PXDN: variants seen among roughly 807,000 people sequenced by gnomAD.
PXDN encodes the protein peroxidasin.
In PXDN, 77 loss-of-function variants were observed where a neutral mutation model predicts 140.3. The ratio of observed to expected loss-of-function variants is 0.55; its 90% CI spans 0.46 to 0.66. The LOEUF (loss-of-function observed/expected upper bound fraction) is 0.66, where lower values mean the gene tolerates loss of function less well. PXDN is among the 30% of genes least tolerant of loss of function. PXDN has a pLI of 0.00. For synonymous variants in PXDN, 911 were observed against 857.4 expected (o/e 1.06, Z -1.09); for missense variants, 1,838 against 2,039.5 (o/e 0.90, Z 1.90).
rs1434443390 is a variant in PXDN, at chr2:1,632,376, T to G, written c.*1828A>C. 3.3e-5 allele frequency: 5 copies of G among 152,218 alleles called. No homozygotes were observed. The highest frequency in any genetic ancestry group is 7.3e-5 in the Non-Finnish European group (5 of 68,046). The allele number at this position is 152,218 out of a possible 1,614,324, so 9.4% of individuals were successfully genotyped here. A position where few individuals can be genotyped will look rare whatever the true frequency, so the allele number is the denominator to read the frequency against. On this transcript the variant is annotated 3_prime_UTR_variant, in exon 23 of 23. Transcript: ENST00000252804. The surrounding 1 kb of genome is among the most constrained non-coding windows in gnomAD (Gnocchi z 4.3). ...CTGAGCAACTTACATAACCATCAGC[T>G]TTTAGACGAACTTACACATTTCCTA... is the stretch of plus-strand genomic sequence containing the variant.
At chr2:1,652,303 C>A (rs1254536372) in intron 16 of PXDN, among the ~76,000 whole-genome samples, 1 of 152,078 alleles carries the variant, frequency 6.6e-6, no homozygotes, top group African/African-American at 2.4e-5. Context: ...CAAGAAATTA[C>A]ACTTAGTAAC....
At position 1,686,792 on chromosome 2, in the gene PXDN, C is replaced by T. The variant is rs919993229; in HGVS notation, c.416+840G>A. On this transcript the variant is annotated intron_variant, in intron 4 of 22. Coordinates refer to ENST00000252804, the MANE Select transcript of PXDN (RefSeq NM_012293.3). ...TCCCAGAGTGGTCTCCCCCCTGCACCGCTTGGCCTCAAACTCTCTGACAAC... is the reference window on the plus strand; with the variant it reads ...TCCCAGAGTGGTCTCCCCCCTGCACTGCTTGGCCTCAAACTCTCTGACAAC... Among the ~76,000 whole-genome samples the T allele has an allele frequency of 5.3e-5, 8 of 152,208 alleles. No homozygotes were observed. The South Asian group carries it at 6.2e-4, about 12-fold the overall frequency.
intron 14 of PXDN, among the ~76,000 whole-genome samples, chr2:1,658,249 A>AC (rs201143750): frequency 0.053 from 8,056 of 151,830 alleles, 757 homozygotes; most frequent in African/African-American, 0.19. Context: ...TTGTCTTCAA[A>AC]TTTACACCAT....
rs551762521 is a variant in PXDN at position 1,662,054 on chromosome 2, G to A, written c.1680+18C>T. On this transcript the variant is annotated intron_variant, in intron 13 of 22. Transcript: ENST00000252804. ...CTTGTATCTGGGTGGTGGCTGGCTC[G>A]GGCACCAGACCGCCTACCTTGTTCC... 162 of 1,564,318 alleles carry A rather than the reference G, an allele frequency of 1.0e-4. No individual in the cohort carries two copies. In the East Asian group the frequency reaches 1.2e-3, roughly 12 times the overall value.
chr2:1,729,685 A>G (rs1018889150), intron 1 of PXDN, among the ~76,000 whole-genome samples: 1 of 152,112 alleles, frequency 6.6e-6, no homozygotes, highest in Non-Finnish European at 1.5e-5. Flanking sequence ...ACCAAACACC[A>G]CCTGTTCCCC....
At chr2:1,708,180 G>A (rs891685156) in intron 1 of PXDN, among the ~76,000 whole-genome samples, 3 of 152,208 alleles carry the variant, frequency 2.0e-5, no homozygotes, top group Non-Finnish European at 4.4e-5. Context: ...GCTGGCTGTC[G>A]GCATGTGCCC....
chr2:1,652,737 A>G (rs191197363), intron 16 of PXDN, among the ~76,000 whole-genome samples: 2 of 152,094 alleles, frequency 1.3e-5, no homozygotes, highest in African/African-American at 4.8e-5. Context: ...TCAGAGCAAC[A>G]CTCTACTCCG....
At chr2:1,689,492 G>A (rs1226503204) in intron 3 of PXDN, among the ~76,000 whole-genome samples, 1 of 152,156 alleles carries the variant, frequency 6.6e-6, no homozygotes, top group East Asian at 1.9e-4. Context: ...ATGAGAATAG[G>A]TGAGTATTGG....
At chr2:1,717,988 C>T (rs1317098346) in intron 1 of PXDN, among the ~76,000 whole-genome samples, 3 of 151,834 alleles carry the variant, frequency 2.0e-5, no homozygotes, top group African/African-American at 7.3e-5. Context: ...ATTCGACTAA[C>T]CAACTACCCA....
intron 17 of PXDN, among the ~76,000 whole-genome samples, 187 bp from the exon 18 acceptor site, chr2:1,644,939 C>G (rs2125407961): frequency 6.6e-6 from 1 of 152,210 alleles, no homozygotes; most frequent in African/African-American, 2.4e-5. Context: ...TCCCTACTTT[C>G]TATTATATAT....
rs978531555 is a variant in PXDN, at chr2:1,673,547, G to C, written c.1018+96C>G. 2.7e-6 allele frequency: 4 copies of C among 1,462,182 alleles called. No homozygotes were observed. In the African/African-American group the frequency reaches 4.2e-5, roughly 15 times the overall value. 90.6% of individuals were successfully genotyped at this position (1,462,182 alleles called of 1,614,324 possible). A position where few individuals can be genotyped will look rare whatever the true frequency, so the allele number is the denominator to read the frequency against. Reference sequence around the variant, plus strand: ...TGGAGCTTCAACTTCAGACTTCAATGTTCATTCTTATTTTGGGGTGCAAGG... The same window carrying C: ...TGGAGCTTCAACTTCAGACTTCAATCTTCATTCTTATTTTGGGGTGCAAGG... On this transcript the variant is annotated intron_variant, in intron 9 of 22. Coordinates refer to ENST00000252804, the MANE Select transcript of PXDN (RefSeq NM_012293.3).
At chr2:1,678,955 T>C (rs1683796469) in intron 7 of PXDN, among the ~76,000 whole-genome samples, 1 of 152,084 alleles carries the variant, frequency 6.6e-6, no homozygotes, top group Admixed American at 6.6e-5. Flanking sequence ...TAACTGCCCC[T>C]GACATAGCTC....
At chr2:1,711,751 G>A (rs1477458885) in intron 1 of PXDN, among the ~76,000 whole-genome samples, 1 of 152,214 alleles carries the variant, frequency 6.6e-6, no homozygotes, top group Non-Finnish European at 1.5e-5. Context: ...GCTGGTGGAG[G>A]CTCTCTGGTG....
At chr2:1,699,849 T>C (rs889023047) in intron 1 of PXDN, among the ~76,000 whole-genome samples, 8 of 152,186 alleles carry the variant, frequency 5.3e-5, no homozygotes, top group Admixed American at 1.3e-4. Flanking sequence ...GGTGAGAGCA[T>C]TGAAATGTAA....
chr2:1,650,344 C>T (rs1682985492), intron 16 of PXDN, among the ~76,000 whole-genome samples: 1 of 152,250 alleles, frequency 6.6e-6, no homozygotes, highest in Non-Finnish European at 1.5e-5. Context: ...ACACGCCCTC[C>T]CCACAGCAAG....
At chr2:1,668,242 A>G (rs1683491697) in intron 9 of PXDN, among the ~76,000 whole-genome samples, 4 of 152,368 alleles carry the variant, frequency 2.6e-5, no homozygotes, top group African/African-American at 9.6e-5. Flanking sequence ...AAAACTGGCT[A>G]GCCATATGTA....
At chr2:1,683,162 G>A (rs182986854) in intron 6 of PXDN, among the ~76,000 whole-genome samples, 186 of 151,248 alleles carry the variant, frequency 1.2e-3, no homozygotes, top group African/African-American at 4.0e-3. Context: ...TGGACAGATC[G>A]CTTGAGCTTA....
At chr2:1,711,487 G>C (rs62116635) in intron 1 of PXDN, among the ~76,000 whole-genome samples, 1 of 37,326 alleles carries the variant, frequency 2.7e-5, no homozygotes. Context: ...ACCAGCACCC[G>C]CTCCACCAGC....
Position 1,687,794 on chromosome 2 carries a change from GT to G in PXDN, c.345-92del. On this transcript the variant is annotated intron_variant, in intron 3 of 22. Coordinates refer to ENST00000252804, the MANE Select transcript of PXDN (RefSeq NM_012293.3). This position sits in a 1 kb window ranked among gnomAD's most constrained non-coding sequence, Gnocchi z 4.0. Reference sequence around the variant, plus strand: ...AGAATTAAATTGACACATGGAGACAGTTTTACAATTAATGACTGTATTAGAA... The same window carrying G: ...AGAATTAAATTGACACATGGAGACAGTTTACAATTAATGACTGTATTAGAA... 1 of 968,854 alleles carries G rather than the reference GT, an allele frequency of 1.0e-6. No homozygotes were observed. Among genetic ancestry groups the G allele is most frequent in the Non-Finnish European group, 1.6e-6 (1 of 641,434 alleles). The allele number at this position is 968,854 out of a possible 1,614,324, so 60.0% of individuals were successfully genotyped here.
Sources: allele counts gnomAD v4.1 joint callset (sites outside exome capture counted in the v4.1 genomes callset), GRCh38; gene constraint gnomAD v4.1.1; non-coding constraint Gnocchi (gnomAD v3.1); transcripts MANE v1.5; gene names NCBI Gene and HGNC (gene_info 2026-07-23, HGNC 2026-07-21).